RBM33: variants seen among roughly 807,000 people sequenced by gnomAD.
RBM33 encodes RNA binding motif protein 33, also known as RNA-binding protein 33.
A neutral mutation model predicts 132.6 loss-of-function variants in RBM33; 28 were observed. The observed-to-expected ratio is 0.21, with a 90% CI of 0.16 to 0.29. RBM33 has a LOEUF of 0.29. RBM33 is among the 10% of genes least tolerant of loss of function. The pLI, the probability that RBM33 is intolerant of heterozygous loss-of-function variation, is 1.00. For synonymous variants in RBM33, 634 were observed against 593.0 expected (o/e 1.07, Z -1.01); for missense variants, 1,291 against 1,518.5 (o/e 0.85, Z 2.49).
In RBM33 at chr7:155,745,693, A is replaced by G; in HGVS notation, c.2979+91A>G. On this transcript the variant is annotated intron_variant, in intron 14 of 17. Transcript: ENST00000401878. This position sits in a 1 kb window ranked among gnomAD's most constrained non-coding sequence, Gnocchi z 4.1. ...AGAGAATGTTTTTGAAGAAAGAATT[A>G]AAAGTTACCTCTGTTATAGTCTTGT... The G allele has an allele frequency of 8.0e-7, 1 of 1,245,356 alleles. No individual in the cohort carries two copies. Among genetic ancestry groups the G allele is most frequent in the Non-Finnish European group, 1.1e-6 (1 of 912,166 alleles). The allele number at this position is 1,245,356 out of a possible 1,614,324, so 77.1% of individuals were successfully genotyped here.
intron 5 of RBM33, among the ~76,000 whole-genome samples, chr7:155,684,118 C>A (rs1279423448): frequency 2.0e-5 from 3 of 152,170 alleles, no homozygotes. Flanking sequence ...GGTTTGTCAC[C>A]TTAAATACAG....
At chr7:155,649,012 G>A (rs1355066087) in intron 1 of RBM33, among the ~76,000 whole-genome samples, 2 of 152,096 alleles carry the variant, frequency 1.3e-5, no homozygotes, top group African/African-American at 4.8e-5. Flanking sequence ...GCTTGGAGTG[G>A]TGAGCTTCTT....
chr7:155,653,619 G>T (rs558587036), intron 1 of RBM33, among the ~76,000 whole-genome samples: 18 of 152,150 alleles, frequency 1.2e-4, no homozygotes, highest in Non-Finnish European at 2.2e-4. Flanking sequence ...CCATTAGTCA[G>T]TGATTTAATC....
At chr7:155,767,142 T>C (rs1244097577) in intron 16 of RBM33, among the ~76,000 whole-genome samples, 1 of 152,228 alleles carries the variant, frequency 6.6e-6, no homozygotes, top group Non-Finnish European at 1.5e-5. Flanking sequence ...GCTGGCTAAC[T>C]CTAATGCTGA....
intron 4 of RBM33, among the ~76,000 whole-genome samples, chr7:155,679,153 C>T (rs1427478699): frequency 1.3e-5 from 2 of 151,646 alleles, no homozygotes. Context: ...GCCTGGGAGA[C>T]AGAGTGAAAC....
At chr7:155,684,544 T>A (rs1799420045) in intron 5 of RBM33, among the ~76,000 whole-genome samples, 3 of 152,236 alleles carry the variant, frequency 2.0e-5, no homozygotes, top group African/African-American at 7.2e-5. Flanking sequence ...TTTGTTGTCT[T>A]ACATTGCCAC....
At chr7:155,691,131 A>G (rs1799626554) in intron 5 of RBM33, among the ~76,000 whole-genome samples, 1 of 152,102 alleles carries the variant, frequency 6.6e-6, no homozygotes, top group Non-Finnish European at 1.5e-5. Flanking sequence ...TGGTCTTTTC[A>G]CATAGTCCCA....
chr7:155,715,145 G>A lies in RBM33; in HGVS notation c.1202-3240G>A, dbSNP rs948016051. Among the ~76,000 whole-genome samples, 6 of 152,250 alleles carry A rather than the reference G, an allele frequency of 3.9e-5. No homozygotes were observed. The South Asian group carries it at 1.0e-3, about 26-fold the overall frequency. On this transcript the variant is annotated intron_variant, in intron 8 of 17. Coordinates refer to ENST00000401878, the MANE Select transcript of RBM33 (RefSeq NM_053043.3). ...CGTCGCTGATTGGTGTGGTGCCTACGTCTCCTGCAGTAGCCGTTGAATGAA... is the reference window on the plus strand; with the variant it reads ...CGTCGCTGATTGGTGTGGTGCCTACATCTCCTGCAGTAGCCGTTGAATGAA...
intron 8 of RBM33, among the ~76,000 whole-genome samples, chr7:155,712,015 T>C (rs1800319038): frequency 6.6e-6 from 1 of 152,242 alleles, no homozygotes; most frequent in Non-Finnish European, 1.5e-5. Flanking sequence ...TATATTTCTT[T>C]AAAAATGTGT....
chr7:155,660,158 C>T (rs1798601723), intron 1 of RBM33, among the ~76,000 whole-genome samples: 1 of 152,226 alleles, frequency 6.6e-6, no homozygotes, highest in Non-Finnish European at 1.5e-5. Flanking sequence ...ACTACACCCT[C>T]TGCCTCCTGG....
intron 14 of RBM33, among the ~76,000 whole-genome samples, chr7:155,763,112 G>A (rs1200198952): frequency 6.6e-6 from 1 of 152,210 alleles, no homozygotes; most frequent in Non-Finnish European, 1.5e-5. Flanking sequence ...CAAAAGATAA[G>A]ATTCCTGATA....
intron 9 of RBM33, among the ~76,000 whole-genome samples, chr7:155,726,725 A>T (rs1800803829): frequency 6.6e-6 from 1 of 152,232 alleles, no homozygotes; most frequent in South Asian, 2.1e-4. Flanking sequence ...AGAAATGATC[A>T]CATCAGTAGA....
chr7:155,689,257 C>A (rs1273847006), intron 5 of RBM33, among the ~76,000 whole-genome samples: 1 of 152,100 alleles, frequency 6.6e-6, no homozygotes. Context: ...AGTTTATTTG[C>A]GTAGAGGTGT....
chr7:155,645,904 C>T (rs1313673566), intron 1 of RBM33, among the ~76,000 whole-genome samples: 2 of 152,160 alleles, frequency 1.3e-5, no homozygotes, highest in African/African-American at 4.8e-5. Context: ...AAACGTTTGC[C>T]TGACAAAATG....
chr7:155,649,666 T>C (rs559485321), intron 1 of RBM33, among the ~76,000 whole-genome samples: 1 of 152,336 alleles, frequency 6.6e-6, no homozygotes, highest in East Asian at 1.9e-4. Flanking sequence ...TCTGGTTTTT[T>C]AATGACTTGC....
chr7:155,697,710 A>G (rs1313425101), intron 5 of RBM33, among the ~76,000 whole-genome samples: 1 of 152,186 alleles, frequency 6.6e-6, no homozygotes, highest in Non-Finnish European at 1.5e-5. Flanking sequence ...AATTAGCTGG[A>G]GAACTTCAAA....
At chr7:155,718,566 A>G (rs191426441) in intron 9 of RBM33, 123 bp downstream of exon 9, 16 of 770,162 alleles carry the variant, frequency 2.1e-5, no homozygotes, top group African/African-American at 1.2e-4. Context: ...AATATTGACA[A>G]TAATCTCTGC....
At chr7:155,650,026 C>T (rs1363737979) in intron 1 of RBM33, among the ~76,000 whole-genome samples, 2 of 152,302 alleles carry the variant, frequency 1.3e-5, no homozygotes, top group African/African-American at 2.4e-5. Flanking sequence ...GCCCCCAACA[C>T]TCTCATTCCT....
intron 1 of RBM33, chr7:155,645,230 C>T (rs753891484): frequency 3.1e-6 from 1 of 324,748 alleles, no homozygotes; most frequent in Non-Finnish European, 5.6e-6. Flanking sequence ...GCCTGGTGTC[C>T]TATGGGTAGG....
Sources: gnomAD v4.1 joint callset for allele counts (sites outside exome capture counted in the v4.1 genomes callset) on GRCh38, gnomAD v4.1.1 for gene constraint, Gnocchi (gnomAD v3.1) non-coding constraint, MANE v1.5 for transcripts, NCBI Gene and HGNC (gene_info 2026-07-23, HGNC 2026-07-21) for gene names.